MTHFSD: variants seen among roughly 807,000 people sequenced by gnomAD.
MTHFSD encodes the protein methenyltetrahydrofolate synthase domain-containing protein.
In MTHFSD, 37 loss-of-function variants were observed where a neutral mutation model predicts 31.1. The ratio of observed to expected loss-of-function variants is 1.19; its 90% CI spans 0.91 to 1.56. The LOEUF is 1.56. MTHFSD is among the 40% of genes most tolerant of loss of function. The pLI, the probability that MTHFSD is intolerant of heterozygous loss-of-function variation, is 0.00. For synonymous variants in MTHFSD, 221 were observed against 206.9 expected (o/e 1.07, Z -0.59); for missense variants, 664 against 510.1 (o/e 1.30, Z -2.91).
chr16:86,551,395 C>G (rs181603512), intron 3 of MTHFSD, among the ~76,000 whole-genome samples: 2 of 152,188 alleles, frequency 1.3e-5, no homozygotes, highest in East Asian at 1.9e-4. Flanking sequence ...AATACCACAA[C>G]TGTGGCAAAA....
In MTHFSD at chr16:86,532,104, G is replaced by A. The variant is rs572998007; in HGVS notation, c.1059C>T (p.Ala353=). The A allele has an allele frequency of 5.8e-5, 90 of 1,540,302 alleles. 1 individual carries two copies. Among genetic ancestry groups the A allele is most frequent in the Middle Eastern group, 1.8e-4 (1 of 5,572 alleles). Reference sequence around the variant, plus strand: ...AGCAGGAGACGGCCTGCTGGGCTGCGGCAGAGTCCGGGTAATGGAGGAAGG... The same window carrying A: ...AGCAGGAGACGGCCTGCTGGGCTGCAGCAGAGTCCGGGTAATGGAGGAAGG... The part of the protein sequence containing the change: ...RRAFLHYPDS[A]AAQQAVSCLQ... Residue 353 remains alanine (A), a synonymous_variant, in exon 8 of 8, where the codon GCC becomes GCT. Coordinates refer to ENST00000360900, the MANE Select transcript of MTHFSD (RefSeq NM_001159377.2).
At position 86,531,775 on chromosome 16, in the gene MTHFSD, G is replaced by A. The variant is rs1465025577; in HGVS notation, c.*236C>T. 5 of 375,754 alleles carry A rather than the reference G, an allele frequency of 1.3e-5. No individual in the cohort carries two copies. The highest frequency in any genetic ancestry group is 6.5e-4 in the Middle Eastern group (1 of 1,528). The allele number at this position is 375,754 out of a possible 1,614,324, so 23.3% of individuals were successfully genotyped here. Reference sequence around the variant, plus strand: ...ACCGACTCAAGGCCCGAGCCTGCACGATTGGGAGGCTGCAGTCTCTGCGCG... The same window carrying A: ...ACCGACTCAAGGCCCGAGCCTGCACAATTGGGAGGCTGCAGTCTCTGCGCG... On this transcript the variant is annotated 3_prime_UTR_variant, in exon 8 of 8. Transcript: ENST00000360900. The surrounding 1 kb of genome is among the most constrained non-coding windows in gnomAD (Gnocchi z 5.5).
chr16:86,542,018 A>T lies in MTHFSD; in HGVS notation c.555+83T>A. The T allele has an allele frequency of 1.4e-6, 2 of 1,402,746 alleles. No individual in the cohort carries two copies. The highest frequency in any genetic ancestry group is 4.6e-5 in the East Asian group (2 of 43,442). The allele number at this position is 1,402,746 out of a possible 1,614,324, so 86.9% of individuals were successfully genotyped here. A position where few individuals can be genotyped will look rare whatever the true frequency, so the allele number is the denominator to read the frequency against. On this transcript the variant is annotated intron_variant, in intron 6 of 7. Transcript: ENST00000360900. This position sits in a 1 kb window ranked among gnomAD's most constrained non-coding sequence, Gnocchi z 4.6. ...CCACTCGCCACACAGCATGGTTCAG[A>T]AGCAGATGAGTCTCCTTCCCCACCC...
At chr16:86,548,080 C>A in intron 4 of MTHFSD, 1 of 1,291,426 alleles carries the variant, frequency 7.7e-7, no homozygotes, top group Non-Finnish European at 1.0e-6. Context: ...TTTGGAAATT[C>A]TATCCTGTCT....
At chr16:86,545,209 T>G (rs893412055) in intron 5 of MTHFSD, among the ~76,000 whole-genome samples, 1 of 151,666 alleles carries the variant, frequency 6.6e-6, no homozygotes, top group Non-Finnish European at 1.5e-5. Context: ...ATCCCGGAAC[T>G]TAAAAAAAAA....
At chr16:86,535,001 C>G (rs1033437452) in intron 7 of MTHFSD, among the ~76,000 whole-genome samples, 1 of 152,186 alleles carries the variant, frequency 6.6e-6, no homozygotes, top group African/African-American at 2.4e-5. Context: ...CATTCTCAGG[C>G]GAGGCTTCAC....
In MTHFSD at chr16:86,532,316, G is replaced by C; in HGVS notation, c.847C>G (p.Pro283Ala). Residue 283 changes from proline to alanine, a missense_variant, in exon 8 of 8, where the codon CCC (proline) becomes GCC (alanine). Coordinates refer to ENST00000360900, the MANE Select transcript of MTHFSD (RefSeq NM_001159377.2). ...TCCATGGAATTGGTTTCTGGTCCGG[G>C]TGTGTCCGGGGGCCTCCTGCCAACA... is the stretch of plus-strand genomic sequence containing the variant. The part of the protein sequence containing the change: ...LSVGRRPPDT[P>A]GPETNSMEAA... The C allele has an allele frequency of 6.3e-7, 1 of 1,593,576 alleles. No individual in the cohort carries two copies. Among genetic ancestry groups the C allele is most frequent in the Non-Finnish European group, 8.5e-7 (1 of 1,171,114 alleles).
intron 7 of MTHFSD, among the ~76,000 whole-genome samples, chr16:86,534,134 C>T (rs1251759205): frequency 6.6e-6 from 1 of 152,240 alleles, no homozygotes; most frequent in Non-Finnish European, 1.5e-5. Flanking sequence ...TGTTCAGATA[C>T]AAAGGAAAAC....
chr16:86,547,814 T>C (rs1972552181), intron 4 of MTHFSD, among the ~76,000 whole-genome samples: 1 of 152,204 alleles, frequency 6.6e-6, no homozygotes, highest in Admixed American at 6.5e-5. Flanking sequence ...TAAAAAAGCG[T>C]ATCTTCAATT....
intron 7 of MTHFSD, among the ~76,000 whole-genome samples, chr16:86,535,776 A>T (rs1303396228): frequency 6.6e-6 from 1 of 152,156 alleles, no homozygotes; most frequent in Non-Finnish European, 1.5e-5. Flanking sequence ...CATTTTGGAT[A>T]AACTGCTTTT....
intron 4 of MTHFSD, chr16:86,547,555 C>CA: frequency 1.0e-6 from 1 of 987,834 alleles, no homozygotes; most frequent in Non-Finnish European, 1.2e-6. Flanking sequence ...TCCACGGGGG[C>CA]AGGCACTGAC....
In MTHFSD at chr16:86,532,367, C is replaced by G. The variant is rs766476287; in HGVS notation, c.796G>C (p.Gly266Arg). 22 of 1,581,604 alleles carry G rather than the reference C, an allele frequency of 1.4e-5. No individual in the cohort carries two copies. In the Admixed American group the frequency reaches 3.8e-4, roughly 27 times the overall value. Residue 266 changes from glycine to arginine, a missense_variant, in exon 8 of 8, where the codon GGC (glycine) becomes CGC (arginine). Transcript: ENST00000360900. Reference protein sequence around the residue: ...QGEHQHLPEPGCQQTVPLSVG... With the variant: ...QGEHQHLPEPRCQQTVPLSVG... ...CTCAGGGGCACTGTCTGCTGGCAGC[C>G]TGGTTCCGGAAGGTGCTGGTGCTCA... is the stretch of plus-strand genomic sequence containing the variant.
rs1319875608 is a variant in MTHFSD at position 86,541,835 on chromosome 16, A to C, written c.556-13T>G. 1 of 1,613,524 alleles carries C rather than the reference A, an allele frequency of 6.2e-7. No individual in the cohort carries two copies. The highest frequency in any genetic ancestry group is 1.7e-5 in the Admixed American group (1 of 60,006). On this transcript the variant is annotated splice_polypyrimidine_tract_variant and intron_variant, in intron 6 of 7. Transcript: ENST00000360900. ...GGATGTCCACGACCTGGGGGAAGAG[A>C]GGAGGGATAAAGGGGCTGCTGGGAA...
Position 86,547,539 on chromosome 16 carries a change from G to A in MTHFSD, c.352-890C>T, listed in dbSNP as rs568997807. The A allele has an allele frequency of 6.8e-5, 67 of 986,614 alleles. No homozygotes were observed. The South Asian group carries it at 1.5e-3, about 23-fold the overall frequency. The allele number at this position is 986,614 out of a possible 1,614,324, so 61.1% of individuals were successfully genotyped here. ...GGAAACCCTGTGTTCTCATCATCTC[G>A]CAGGGTCCACGGGGGCAGGCACTGA... On this transcript the variant is annotated intron_variant, in intron 4 of 7. Transcript: ENST00000360900.
At chr16:86,552,268 G>A in intron 2 of MTHFSD, 122 bp from the exon 3 acceptor site, 2 of 1,598,272 alleles carry the variant, frequency 1.3e-6, no homozygotes, top group Non-Finnish European at 1.7e-6. Context: ...AAGCGTGGGA[G>A]TTGCTCGGCA....
Position 86,531,881 on chromosome 16 carries a change from T to G in MTHFSD, c.*130A>C. On this transcript the variant is annotated 3_prime_UTR_variant, in exon 8 of 8. Coordinates refer to ENST00000360900, the MANE Select transcript of MTHFSD (RefSeq NM_001159377.2). This position sits in a 1 kb window ranked among gnomAD's most constrained non-coding sequence, Gnocchi z 5.5. ...CTGAGCGGTGACTTCTGAGAAGAAT[T>G]GAGACCCGAGCAGCTCAGGCGGTGG... The G allele has an allele frequency of 1.8e-6, 1 of 560,958 alleles. No individual in the cohort carries two copies. The allele number at this position is 560,958 out of a possible 1,614,324, so 34.7% of individuals were successfully genotyped here.
intron 7 of MTHFSD, chr16:86,541,128 T>C (rs914593883): frequency 7.0e-6 from 9 of 1,284,614 alleles, no homozygotes; most frequent in Middle Eastern, 4.3e-4. Flanking sequence ...GACAGCATCA[T>C]AACCTACAGG....
At chr16:86,552,781 G>T (rs1405210275) in intron 2 of MTHFSD, among the ~76,000 whole-genome samples, 5 of 152,272 alleles carry the variant, frequency 3.3e-5, no homozygotes, top group Non-Finnish European at 7.4e-5. Flanking sequence ...GACAGTCTTG[G>T]AACCACCTCA....
intron 7 of MTHFSD, among the ~76,000 whole-genome samples, chr16:86,534,872 C>T (rs1177581573): frequency 2.0e-5 from 3 of 152,152 alleles, no homozygotes; most frequent in African/African-American, 7.2e-5. Context: ...TCCGGGTAAG[C>T]ACTGCTCTTC....
Sources: allele counts gnomAD v4.1 joint callset (sites outside exome capture counted in the v4.1 genomes callset), GRCh38; gene constraint gnomAD v4.1.1; non-coding constraint Gnocchi (gnomAD v3.1); transcripts MANE v1.5; gene names NCBI Gene and HGNC (gene_info 2026-07-23, HGNC 2026-07-21).